The following KMT2C variants were observed in gnomAD, a reference collection of about 807,000 sequenced individuals.
KMT2C encodes histone-lysine N-methyltransferase 2C.
Under a neutral mutation model 507.9 loss-of-function variants are expected in KMT2C, and 88 were observed. The ratio of observed to expected loss-of-function variants is 0.17; its 90% CI spans 0.15 to 0.21. KMT2C has a LOEUF of 0.21. Among genes scored for constraint, KMT2C ranks in the 10% least tolerant of loss-of-function variants. The pLI is 1.00. For synonymous variants in KMT2C, 2,049 were observed against 2,080.8 expected, an observed-to-expected ratio of 0.98 and a Z score of 0.42; for missense variants, 4,954 against 5,957.8, an observed-to-expected ratio of 0.83 and a Z score of 5.55.
At chr7:152,172,300 A>C (rs1021556002) in intron 39 of KMT2C, among the ~76,000 whole-genome samples, 6 of 152,228 alleles carry the variant, frequency 3.9e-5, no homozygotes, top group Non-Finnish European at 5.9e-5. Context: ...TAGAATACTA[A>C]GCCATATACC....
At chr7:152,419,023 T>C (rs954122306) in intron 1 of KMT2C, among the ~76,000 whole-genome samples, 4 of 151,860 alleles carry the variant, frequency 2.6e-5, no homozygotes, top group South Asian at 4.2e-4. Context: ...GTGAGACGAC[T>C]GTCCCTACAT....
intron 6 of KMT2C, among the ~76,000 whole-genome samples, chr7:152,287,792 G>A (rs1364268879): frequency 6.6e-6 from 1 of 152,084 alleles, no homozygotes; most frequent in African/African-American, 2.4e-5. Context: ...GGGAGGCAGA[G>A]GTGGTTGGAT....
chr7:152,236,964 C>G (rs1175048316), intron 15 of KMT2C, among the ~76,000 whole-genome samples: 3 of 152,172 alleles, frequency 2.0e-5, no homozygotes, highest in Non-Finnish European at 1.5e-5. Context: ...ATTTATCTGA[C>G]TTCTTACACA....
intron 23 of KMT2C, among the ~76,000 whole-genome samples, chr7:152,219,612 A>T (rs2094703206): frequency 6.6e-6 from 1 of 152,120 alleles, no homozygotes; most frequent in Non-Finnish European, 1.5e-5. Context: ...TATGAAATAA[A>T]ATATAATCAA....
At chr7:152,400,858 T>G (rs889880338) in intron 1 of KMT2C, among the ~76,000 whole-genome samples, 7 of 123,122 alleles carry the variant, frequency 5.7e-5, no homozygotes, top group African/African-American at 2.2e-4. Context: ...TAGCCCAAAC[T>G]GAAGGAAATA....
chr7:152,388,474 G>A (rs1213759059), intron 1 of KMT2C, among the ~76,000 whole-genome samples: 5 of 151,872 alleles, frequency 3.3e-5, no homozygotes, highest in Non-Finnish European at 5.9e-5. Flanking sequence ...CAGAAGAATC[G>A]CTTGAACCCG....
intron 6 of KMT2C, among the ~76,000 whole-genome samples, chr7:152,305,170 G>A (rs756951052): frequency 1.3e-5 from 2 of 152,088 alleles, no homozygotes; most frequent in East Asian, 1.9e-4. Context: ...AACCCCATCC[G>A]AATGGCACTA....
intron 1 of KMT2C, among the ~76,000 whole-genome samples, chr7:152,421,788 T>G (rs945065029): frequency 1.3e-5 from 2 of 152,164 alleles, no homozygotes; most frequent in Non-Finnish European, 2.9e-5. Flanking sequence ...CTGGGTACTA[T>G]GCTCACTATC....
chr7:152,327,619 G>C (rs952593414), intron 3 of KMT2C, among the ~76,000 whole-genome samples: 1 of 152,068 alleles, frequency 6.6e-6, no homozygotes, highest in African/African-American at 2.4e-5. Flanking sequence ...AAAAATTTAA[G>C]CAGAACTTTA....
At chr7:152,160,862 A>G (rs887254897) in intron 43 of KMT2C, among the ~76,000 whole-genome samples, 1 of 152,104 alleles carries the variant, frequency 6.6e-6, no homozygotes, top group Non-Finnish European at 1.5e-5. Flanking sequence ...GTTAAGTGGT[A>G]CAACAGAAAT....
At chr7:152,289,350 C>A (rs1026559976) in intron 6 of KMT2C, among the ~76,000 whole-genome samples, 3 of 152,126 alleles carry the variant, frequency 2.0e-5, no homozygotes, top group Admixed American at 1.3e-4. Flanking sequence ...ACTGATGAAG[C>A]AGCAAAAATC....
intron 34 of KMT2C, 131 bp downstream of exon 34, chr7:152,185,427 T>C: frequency 1.6e-6 from 1 of 613,582 alleles, no homozygotes; most frequent in Non-Finnish European, 2.8e-6. Flanking sequence ...ACTTTAAAAA[T>C]AAAGTTGCTT....
intron 1 of KMT2C, among the ~76,000 whole-genome samples, chr7:152,389,585 G>A (rs1463365809): frequency 1.3e-5 from 2 of 151,950 alleles, no homozygotes; most frequent in African/African-American, 4.8e-5. Flanking sequence ...GGGACTACAG[G>A]CATGCACCAC....
chr7:152,383,365 T>A (rs1015805017), intron 1 of KMT2C, among the ~76,000 whole-genome samples: 21 of 152,312 alleles, frequency 1.4e-4, no homozygotes, highest in African/African-American at 4.8e-4. Flanking sequence ...AAAGCATTTT[T>A]AGTAGAATGC....
At chr7:152,326,759 T>C (rs1189394820) in intron 3 of KMT2C, among the ~76,000 whole-genome samples, 3 of 152,140 alleles carry the variant, frequency 2.0e-5, no homozygotes, top group Non-Finnish European at 4.4e-5. Flanking sequence ...CAGGCGCCTG[T>C]GGTCCCAGCT....
chr7:152,305,189 G>A (rs2096604761), intron 6 of KMT2C, among the ~76,000 whole-genome samples: 1 of 152,190 alleles, frequency 6.6e-6, no homozygotes, highest in Admixed American at 6.5e-5. Flanking sequence ...TAGTATACTA[G>A]TGAGAGGGAG....
rs559949839 is a variant in KMT2C at position 152,205,147 on chromosome 7, G to A, written c.3920C>T (p.Ser1307Phe). 5.6e-6 allele frequency: 9 copies of A among 1,612,142 alleles called. No individual in the cohort carries two copies. In the African/African-American group the frequency reaches 1.2e-4, roughly 22 times the overall value. ...TAACTGCTCGGAAATAGAGCCTGAGGAATCTTTTCTGATCACAGATCTTTT... is the reference window on the plus strand; with the variant it reads ...TAACTGCTCGGAAATAGAGCCTGAGAAATCTTTTCTGATCACAGATCTTTT... ...KTKRSVIRKDSSGSISEQLPC... is the reference protein window; with the variant it reads ...KTKRSVIRKDFSGSISEQLPC... The change falls in exon 25 of 59, where the codon TCC becomes TTC. Residue 1307 changes from serine to phenylalanine, a missense_variant. Around this residue, in one of 29 missense-constraint regions of KMT2C, gnomAD observed 176 missense variants for 262.0 expected, o/e 0.67. Coordinates refer to ENST00000262189, the MANE Select transcript of KMT2C (RefSeq NM_170606.3).
At chr7:152,204,206 G>A (rs567380435) in intron 25 of KMT2C, among the ~76,000 whole-genome samples, 10 of 152,250 alleles carry the variant, frequency 6.6e-5, no homozygotes, top group Middle Eastern at 3.4e-3. Context: ...GCTGACGCAC[G>A]AGAATTGCTT....
intron 6 of KMT2C, among the ~76,000 whole-genome samples, chr7:152,299,032 A>C (rs2096540977): frequency 6.6e-6 from 1 of 152,186 alleles, no homozygotes; most frequent in Non-Finnish European, 1.5e-5. Context: ...CATAATAAAT[A>C]ATGTAGGCTG....
Sources: gnomAD v4.1 joint callset for allele counts (sites outside exome capture counted in the v4.1 genomes callset) on GRCh38, gnomAD v4.1.1 for gene constraint, gnomAD v4.1.1 regional missense constraint, MANE v1.5 for transcripts, NCBI Gene and HGNC (gene_info 2026-07-23, HGNC 2026-07-21) for gene names.